The following XCR1 variants were observed in gnomAD, a reference collection of about 807,000 sequenced individuals.
XCR1 encodes the protein chemokine XC receptor 1.
For synonymous variants in XCR1, 187 were observed against 188.5 expected (o/e 0.99, Z 0.06); for missense variants, 356 against 424.2 (o/e 0.84, Z 1.41).
Position 46,021,829 on chromosome 3 carries a change from A to T in XCR1, c.119T>A (p.Leu40Gln). The T allele has an allele frequency of 1.9e-6, 3 of 1,614,106 alleles. No homozygotes were observed. The highest frequency in any genetic ancestry group is 2.5e-6 in the Non-Finnish European group (3 of 1,180,016). Residue 40 changes from leucine (L) to glutamine (Q), a missense_variant, in exon 2 of 2, where the codon CTG becomes CAG. Leu to Gln is a moderately radical substitution (Grantham distance 113). Transcript: ENST00000309285. This position sits in a 1 kb window ranked among gnomAD's most constrained non-coding sequence, Gnocchi z 4.7. ...GCCCACTAGGCTGAGGAGAAACACC[A>T]GGCAGTATAGGACAGTGGTGGCGAG... ...ATLATTVLYC[L>Q]VFLLSLVGNS...
chr3:46,084,248 C>T (rs115640218), intron 1 of XCR1, among the ~76,000 whole-genome samples: 18 of 152,288 alleles, frequency 1.2e-4, no homozygotes, highest in African/African-American at 4.1e-4. Flanking sequence ...TGACAAGGGA[C>T]AAGCTGGCAC....
intron 4 of XCR1, among the ~76,000 whole-genome samples, chr3:46,059,780 G>A (rs61388113): frequency 0.016 from 2,458 of 152,236 alleles, 70 homozygotes; most frequent in African/African-American, 0.056. Context: ...GTAAATAAAC[G>A]TTCCACCAAA....
In XCR1 at chr3:46,021,010, G is replaced by T. The variant is rs1376838153; in HGVS notation, c.938C>A (p.Pro313His). ...GGAGTGGGGGATCGAGGCTGGGCTG[G>T]GTGCCTGCAGCCGGCAGAACCAGAA... ...RQFWFCRLQA[P>H]SPASIPHSPG... The change falls in exon 2 of 2, where the codon CCC (proline) becomes CAC (histidine). Residue 313 changes from proline (P) to histidine (H), a missense_variant. Transcript: ENST00000309285. This position sits in a 1 kb window ranked among gnomAD's most constrained non-coding sequence, Gnocchi z 4.7. 1.9e-6 allele frequency: 3 copies of T among 1,613,154 alleles called. No homozygotes were observed. The African/African-American group carries it at 4.0e-5, about 22-fold the overall frequency.
chr3:46,067,261 A>T (rs546334161), intron 3 of XCR1, among the ~76,000 whole-genome samples: 1 of 152,182 alleles, frequency 6.6e-6, no homozygotes, highest in South Asian at 2.1e-4. Flanking sequence ...TTCCTGGAGG[A>T]GGTGATGTCA....
chr3:46,061,535 C>T (rs958717531), intron 4 of XCR1, among the ~76,000 whole-genome samples: 4 of 152,226 alleles, frequency 2.6e-5, no homozygotes, highest in African/African-American at 9.6e-5. Context: ...TGAACATTCA[C>T]GTGGGACATT....
At chr3:46,081,555 G>A (rs1559497701) in intron 1 of XCR1, among the ~76,000 whole-genome samples, 1 of 152,092 alleles carries the variant, frequency 6.6e-6, no homozygotes, top group Non-Finnish European at 1.5e-5. Flanking sequence ...GCCTGTAACT[G>A]GAGATTTCTT....
At position 46,082,451 on chromosome 3, in the gene XCR1, T is replaced by A. The variant is rs1003250095; in HGVS notation, c.-515+3343A>T. ...CACATATATTCTCTTAGGATATATG[T>A]AAACAAATGCCTATAATCAGGCTCC... is the stretch of plus-strand genomic sequence containing the variant. On this transcript the variant is annotated intron_variant, in intron 1 of 5. Transcript: ENST00000683768. Among the ~76,000 whole-genome samples the A allele has an allele frequency of 2.7e-5, 4 of 149,976 alleles. No homozygotes were observed. The South Asian group carries it at 6.4e-4, about 24-fold the overall frequency.
intron 1 of XCR1, chr3:46,023,154 C>CCGTGG (rs1708194594): frequency 2.6e-6 from 1 of 390,588 alleles, no homozygotes; most frequent in South Asian, 5.9e-5. Context: ...GGGGGCGGGC[C>CCGTGG]CGTGGCGCGG....
chr3:46,078,748 G>A (rs1418440404), intron 1 of XCR1, among the ~76,000 whole-genome samples: 1 of 152,182 alleles, frequency 6.6e-6, no homozygotes, highest in Admixed American at 6.5e-5. Flanking sequence ...GAGTTCTCTT[G>A]CTATGGAGAA....
upstream of XCR1, among the ~76,000 whole-genome samples, chr3:46,031,856 C>T (rs572051406): frequency 1.9e-3 from 294 of 152,288 alleles, 1 homozygote; most frequent in South Asian, 3.7e-3. Flanking sequence ...CTAAGAGAGG[C>T]TACCCACTCT....
At chr3:46,047,068 T>G (rs1448399714) in intron 5 of XCR1, among the ~76,000 whole-genome samples, 2 of 131,764 alleles carry the variant, frequency 1.5e-5, no homozygotes, top group Non-Finnish European at 3.4e-5. Context: ...GCCACTTCAG[T>G]TTGTAACTCA....
chr3:46,058,147 T>C (rs1252559747), intron 4 of XCR1, among the ~76,000 whole-genome samples: 1 of 152,206 alleles, frequency 6.6e-6, no homozygotes, highest in Admixed American at 6.5e-5. Context: ...TATGATTCAA[T>C]TTAAGGCCAG....
chr3:46,075,308 C>CA (rs56787185), intron 2 of XCR1, among the ~76,000 whole-genome samples: 3,136 of 61,656 alleles, frequency 0.051, 71 homozygotes, highest in African/African-American at 0.095. Flanking sequence ...GCTCATAGAC[C>CA]AAAAAAAAAA....
At chr3:46,067,274 G>T (rs1698094524) in intron 3 of XCR1, among the ~76,000 whole-genome samples, 1 of 152,170 alleles carries the variant, frequency 6.6e-6, no homozygotes, top group Admixed American at 6.5e-5. Flanking sequence ...TGATGTCAAA[G>T]GGGGATCAGA....
intron 4 of XCR1, among the ~76,000 whole-genome samples, chr3:46,054,464 G>A (rs1050880376): frequency 4.6e-5 from 7 of 151,824 alleles, no homozygotes; most frequent in Admixed American, 3.3e-4. Flanking sequence ...ACGGGCGTTC[G>A]GCTCCCTGCA....
chr3:46,083,179 C>T (rs990055903), intron 1 of XCR1, among the ~76,000 whole-genome samples: 2 of 152,202 alleles, frequency 1.3e-5, no homozygotes, highest in East Asian at 1.9e-4. Context: ...GAAAACAGCC[C>T]CTCCAGCTAT....
intron 4 of XCR1, among the ~76,000 whole-genome samples, chr3:46,054,077 A>G (rs1697803806): frequency 6.6e-6 from 1 of 152,152 alleles, no homozygotes; most frequent in Non-Finnish European, 1.5e-5. Flanking sequence ...GGGACTGAAC[A>G]AAGGGGGGCA....
In XCR1 at chr3:46,054,160, G is replaced by A. The variant is rs533315117; in HGVS notation, c.-182-90C>T. ...GGTCAGGGAGCACCTTGCCTCTAGTGGACAAGGGCCCTGAGCTTTACACAG... is the reference window on the plus strand; with the variant it reads ...GGTCAGGGAGCACCTTGCCTCTAGTAGACAAGGGCCCTGAGCTTTACACAG... On this transcript the variant is annotated intron_variant, in intron 4 of 5. Transcript: ENST00000683768. Among the ~76,000 whole-genome samples the A allele has an allele frequency of 5.3e-5, 8 of 152,266 alleles. No individual in the cohort carries two copies. The East Asian group carries it at 1.4e-3, about 26-fold the overall frequency.
intron 1 of XCR1, among the ~76,000 whole-genome samples, chr3:46,077,870 TA>T (rs2125904060): frequency 6.6e-6 from 1 of 152,200 alleles, no homozygotes; most frequent in South Asian, 2.1e-4. Context: ...AAGTGAGAGC[TA>T]AACATTAGGC....
Sources: gnomAD v4.1 joint callset for allele counts (sites outside exome capture counted in the v4.1 genomes callset) on GRCh38, gnomAD v4.1.1 for gene constraint, Gnocchi (gnomAD v3.1) non-coding constraint, MANE v1.5 for transcripts, NCBI Gene and HGNC (gene_info 2026-07-23, HGNC 2026-07-21) for gene names.